Variants in TMEFF2 observed in about 807,000 individuals in gnomAD.
The protein encoded by TMEFF2 is transmembrane protein with EGF like and two follistatin like domains 2.
TMEFF2 carries 28 observed loss-of-function variants against 53.8 expected under a neutral mutation model. The observed-to-expected ratio is 0.52, with a 90% CI of 0.39 to 0.71. The LOEUF (loss-of-function observed/expected upper bound fraction) is 0.71. Ranked by LOEUF, TMEFF2 falls within the 30% of genes least tolerant of loss-of-function variation. The pLI is 0.00. For synonymous variants in TMEFF2, 162 were observed against 166.3 expected, an observed-to-expected ratio of 0.97 and a Z score of 0.20; for missense variants, 353 against 455.2, an observed-to-expected ratio of 0.78 and a Z score of 2.04.
chr2:192,009,555 A>G (rs938318989), intron 5 of TMEFF2, among the ~76,000 whole-genome samples: 33 of 152,160 alleles, frequency 2.2e-4, no homozygotes. Flanking sequence ...TTTATCCTTC[A>G]TGATTATATC....
intron 7 of TMEFF2, among the ~76,000 whole-genome samples, chr2:191,975,117 GAGA>G (rs1177605367): frequency 2.0e-5 from 3 of 151,382 alleles, no homozygotes; most frequent in South Asian, 4.2e-4. Flanking sequence ...CATAGAAAAT[GAGA>G]AGGATGCTAA....
chr2:192,060,040 CAT>C (rs977541657), intron 4 of TMEFF2, among the ~76,000 whole-genome samples: 1 of 57,086 alleles, frequency 1.8e-5, no homozygotes, highest in Non-Finnish European at 3.3e-5. Flanking sequence ...TTTCGTGGAT[CAT>C]ATTTTTTTTT....
At chr2:192,042,475 GA>G (rs1687509781) in intron 5 of TMEFF2, among the ~76,000 whole-genome samples, 1 of 152,174 alleles carries the variant, frequency 6.6e-6, no homozygotes, top group Non-Finnish European at 1.5e-5. Flanking sequence ...AGTGTGATAG[GA>G]AGTGAAATCC....
At chr2:192,149,999 AG>A (rs775255181) in intron 4 of TMEFF2, among the ~76,000 whole-genome samples, 2 of 151,970 alleles carry the variant, frequency 1.3e-5, no homozygotes, top group Non-Finnish European at 2.9e-5. Flanking sequence ...ATTCTTTGTA[AG>A]GCTCTGGAAA....
At chr2:192,019,170 A>G (rs1686807198) in intron 5 of TMEFF2, among the ~76,000 whole-genome samples, 1 of 152,044 alleles carries the variant, frequency 6.6e-6, no homozygotes, top group Non-Finnish European at 1.5e-5. Context: ...TTTTATGTTA[A>G]TCATCACATG....
intron 4 of TMEFF2, among the ~76,000 whole-genome samples, chr2:192,079,319 C>G (rs1345235318): frequency 3.9e-5 from 6 of 152,206 alleles, no homozygotes; most frequent in Admixed American, 3.9e-4. Flanking sequence ...TTTCCTCTTT[C>G]TTTTCATAGT....
intron 5 of TMEFF2, among the ~76,000 whole-genome samples, chr2:192,055,493 G>T (rs1221172664): frequency 6.6e-6 from 1 of 151,958 alleles, no homozygotes; most frequent in African/African-American, 2.4e-5. Context: ...TACATTTGTT[G>T]GCTGGGCGTG....
chr2:191,956,967 C>T (rs769149385), intron 7 of TMEFF2, among the ~76,000 whole-genome samples: 7 of 152,044 alleles, frequency 4.6e-5, no homozygotes, highest in Non-Finnish European at 5.9e-5. Flanking sequence ...AATAAGAAAA[C>T]GTTATTTCAA....
chr2:192,101,736 A>C (rs1021429599), intron 4 of TMEFF2, among the ~76,000 whole-genome samples: 2 of 152,194 alleles, frequency 1.3e-5, no homozygotes, highest in Non-Finnish European at 2.9e-5. Flanking sequence ...ATGCTATAAC[A>C]AAAGACTGAA....
intron 7 of TMEFF2, among the ~76,000 whole-genome samples, chr2:191,981,908 T>C (rs1354540620): frequency 6.6e-6 from 1 of 152,160 alleles, no homozygotes; most frequent in Non-Finnish European, 1.5e-5. Flanking sequence ...GTTGCTTTGT[T>C]ATATCTGCCG....
intron 5 of TMEFF2, among the ~76,000 whole-genome samples, chr2:192,042,610 G>C (rs1049172339): frequency 2.0e-5 from 3 of 152,198 alleles, no homozygotes; most frequent in Admixed American, 2.0e-4. Flanking sequence ...ATGAAGTTAT[G>C]AATCAGGCTG....
At chr2:192,160,846 A>G (rs1384197595) in intron 4 of TMEFF2, among the ~76,000 whole-genome samples, 1 of 152,204 alleles carries the variant, frequency 6.6e-6, no homozygotes, top group Non-Finnish European at 1.5e-5. Context: ...ACTGGATGCA[A>G]TAGGCAGCAG....
chr2:192,117,607 C>A (rs1689444093), intron 4 of TMEFF2, among the ~76,000 whole-genome samples: 1 of 152,028 alleles, frequency 6.6e-6, no homozygotes, highest in African/African-American at 2.4e-5. Flanking sequence ...AAAATGAAAA[C>A]TCCAACTTTC....
At chr2:191,979,872 CTA>C (rs1491571536) in intron 7 of TMEFF2, among the ~76,000 whole-genome samples, 11 of 151,826 alleles carry the variant, frequency 7.2e-5, no homozygotes, top group African/African-American at 2.4e-4. Flanking sequence ...ATCTATCTAT[CTA>C]TATGTTTTAG....
chr2:192,147,279 C>A (rs191011206), intron 4 of TMEFF2, among the ~76,000 whole-genome samples: 33 of 152,042 alleles, frequency 2.2e-4, no homozygotes, highest in Admixed American at 2.0e-3. Context: ...AGACAGTAGT[C>A]CACTTATAAT....
At chr2:192,010,262 T>A (rs1047450528) in intron 5 of TMEFF2, among the ~76,000 whole-genome samples, 2 of 152,188 alleles carry the variant, frequency 1.3e-5, no homozygotes, top group African/African-American at 4.8e-5. Context: ...CCTGCAGTAT[T>A]GCCGGTGAGT....
chr2:192,184,866 A>C (rs560163160), intron 2 of TMEFF2, among the ~76,000 whole-genome samples: 2 of 152,228 alleles, frequency 1.3e-5, no homozygotes, highest in South Asian at 4.1e-4. Flanking sequence ...CTATTAAAAA[A>C]CAAAGGTAAT....
intron 4 of TMEFF2, among the ~76,000 whole-genome samples, chr2:192,070,038 A>G (rs1252182569): frequency 4.5e-4 from 28 of 61,668 alleles, no homozygotes; most frequent in Admixed American, 2.5e-3. Context: ...ATATATATAT[A>G]TATATGTCTT....
At chr2:192,187,427 CTAGAAT>C (rs1216006323) in intron 2 of TMEFF2, among the ~76,000 whole-genome samples, 7 of 152,078 alleles carry the variant, frequency 4.6e-5, no homozygotes, top group Admixed American at 3.9e-4. Context: ...CATGGTGTTT[CTAGAAT>C]TAGAAAAACA....
Sources: gnomAD v4.1 joint callset for allele counts (sites outside exome capture counted in the v4.1 genomes callset) on GRCh38, gnomAD v4.1.1 for gene constraint, MANE v1.5 for transcripts, NCBI Gene and HGNC (gene_info 2026-07-23, HGNC 2026-07-21) for gene names.